The following CNTNAP5 variants were observed in gnomAD, a reference collection of about 807,000 sequenced individuals.
CNTNAP5 encodes the protein contactin-associated protein-like 5.
CNTNAP5 carries 72 observed loss-of-function variants against 150.2 expected under a neutral mutation model. The observed-to-expected ratio is 0.48, with a 90% CI of 0.40 to 0.58. The LOEUF (loss-of-function observed/expected upper bound fraction) is 0.58. Among genes scored for constraint, CNTNAP5 ranks in the 20% least tolerant of loss-of-function variants. The pLI is 0.00. For synonymous variants in CNTNAP5, 672 were observed against 619.8 expected, an observed-to-expected ratio of 1.08 and a Z score of -1.25; for missense variants, 1,636 against 1,626.2, an observed-to-expected ratio of 1.01 and a Z score of -0.10.
intron 3 of CNTNAP5, among the ~76,000 whole-genome samples, chr2:124,248,336 A>C (rs2104776313): frequency 6.6e-6 from 1 of 152,312 alleles, no homozygotes; most frequent in African/African-American, 2.4e-5. Flanking sequence ...TGCAATGTGA[A>C]ATACATGGAG....
chr2:124,643,207 C>A (rs1264830071), intron 12 of CNTNAP5, among the ~76,000 whole-genome samples: 1 of 152,196 alleles, frequency 6.6e-6, no homozygotes, highest in African/African-American at 2.4e-5. Flanking sequence ...CAAATGCAGT[C>A]CTCTCCTAAG....
At chr2:124,277,355 A>G (rs1452493453) in intron 3 of CNTNAP5, among the ~76,000 whole-genome samples, 3 of 152,226 alleles carry the variant, frequency 2.0e-5, no homozygotes, top group Non-Finnish European at 2.9e-5. Context: ...TGCACTTGTC[A>G]TGAGTAATCT....
At chr2:124,300,065 C>T (rs1688537875) in intron 3 of CNTNAP5, among the ~76,000 whole-genome samples, 1 of 152,196 alleles carries the variant, frequency 6.6e-6, no homozygotes, top group South Asian at 2.1e-4. Context: ...CACACTATTA[C>T]AAATCAGCTT....
At chr2:124,322,722 C>T (rs950406479) in intron 3 of CNTNAP5, among the ~76,000 whole-genome samples, 1 of 152,094 alleles carries the variant, frequency 6.6e-6, no homozygotes, top group African/African-American at 2.4e-5. Context: ...ACTCCTTGGG[C>T]AGTTAGAGTT....
Position 124,419,987 on chromosome 2 carries a change from T to TCTTC in CNTNAP5, c.529+2400_529+2401insCCTT, listed in dbSNP as rs1692055640. Among the ~76,000 whole-genome samples, 5 of 127,420 alleles carry TCTTC rather than the reference T, an allele frequency of 3.9e-5. 1 individual carries two copies. The highest frequency in any genetic ancestry group is 2.6e-4 in the South Asian group (1 of 3,916). 83.6% of individuals were successfully genotyped at this position (127,420 alleles called of 152,430 possible). ...CTCTCTCTCTCTTTCTTTCTTTCTTTCTTTTTTTTTTTTTTTTTTTTTGAG... is the reference window on the plus strand; with the variant it reads ...CTCTCTCTCTCTTTCTTTCTTTCTTTCTTCCTTTTTTTTTTTTTTTTTTTTTGAG... On this transcript the variant is annotated intron_variant, in intron 4 of 23. Coordinates refer to ENST00000682447, the MANE Select transcript of CNTNAP5 (RefSeq NM_001367498.1).
chr2:124,803,628 C>T (rs1428782406), intron 19 of CNTNAP5, among the ~76,000 whole-genome samples: 2 of 152,146 alleles, frequency 1.3e-5, no homozygotes, highest in African/African-American at 4.8e-5. Context: ...TCCTTTTTAT[C>T]AATCTTTTTT....
At chr2:124,067,307 G>T (rs1033652919) in intron 1 of CNTNAP5, among the ~76,000 whole-genome samples, 1 of 152,124 alleles carries the variant, frequency 6.6e-6, no homozygotes, top group Non-Finnish European at 1.5e-5. Flanking sequence ...TCAGAATCAG[G>T]GTGTTGGCAA....
intron 7 of CNTNAP5, among the ~76,000 whole-genome samples, chr2:124,493,965 T>TACACAC (rs58843895): frequency 5.3e-4 from 76 of 143,946 alleles, no homozygotes; most frequent in South Asian, 2.8e-3. Flanking sequence ...AAACCATAAA[T>TACACAC]ACACACACAC....
In CNTNAP5 at chr2:124,026,323, C is replaced by A. The variant is rs545715763; in HGVS notation, c.82+591C>A. Among the ~76,000 whole-genome samples the A allele has an allele frequency of 5.9e-5, 9 of 152,286 alleles. No individual in the cohort carries two copies. The East Asian group carries it at 1.7e-3, about 29-fold the overall frequency. Reference sequence around the variant, plus strand: ...TTGTTAACCACAAGATCAATGGCTGCCCCTATTACAGGAGGAAGAGCTTTG... The same window carrying A: ...TTGTTAACCACAAGATCAATGGCTGACCCTATTACAGGAGGAAGAGCTTTG... On this transcript the variant is annotated intron_variant, in intron 1 of 23. Coordinates refer to ENST00000682447, the MANE Select transcript of CNTNAP5 (RefSeq NM_001367498.1).
At chr2:124,434,918 C>T (rs913498274) in intron 5 of CNTNAP5, among the ~76,000 whole-genome samples, 1 of 152,146 alleles carries the variant, frequency 6.6e-6, no homozygotes, top group African/African-American at 2.4e-5. Context: ...GACCTAACTA[C>T]GTATTTATCC....
intron 1 of CNTNAP5, among the ~76,000 whole-genome samples, chr2:124,113,595 T>C (rs1251599278): frequency 6.6e-6 from 1 of 151,628 alleles, no homozygotes; most frequent in South Asian, 2.1e-4. Context: ...CTCTCTTGTG[T>C]TATAAATATG....
At chr2:124,380,128 TGAA>T (rs1340497097) in intron 3 of CNTNAP5, among the ~76,000 whole-genome samples, 7 of 152,288 alleles carry the variant, frequency 4.6e-5, no homozygotes, top group African/African-American at 7.2e-5. Context: ...TTGTAATAGT[TGAA>T]GACATTATTT....
intron 3 of CNTNAP5, among the ~76,000 whole-genome samples, chr2:124,404,861 G>C (rs1166603388): frequency 6.6e-6 from 1 of 152,104 alleles, no homozygotes; most frequent in Non-Finnish European, 1.5e-5. Context: ...TTTAACTCCA[G>C]GGAAGGAAAG....
chr2:124,331,288 T>C (rs1689343502), intron 3 of CNTNAP5, among the ~76,000 whole-genome samples: 1 of 152,106 alleles, frequency 6.6e-6, no homozygotes, highest in East Asian at 1.9e-4. Flanking sequence ...AGTTTGCTTA[T>C]ATTTGTAGCC....
At chr2:124,072,986 G>A (rs1682346379) in intron 1 of CNTNAP5, among the ~76,000 whole-genome samples, 2 of 151,916 alleles carry the variant, frequency 1.3e-5, no homozygotes, top group African/African-American at 4.8e-5. Flanking sequence ...ACCAAAACCA[G>A]CATGGTACTG....
At chr2:124,588,209 TTTCTTTCTTTCTTTCTTTCTTTCTTTC>T (rs1558966142) in intron 11 of CNTNAP5, among the ~76,000 whole-genome samples, 2 of 148,146 alleles carry the variant, frequency 1.4e-5, no homozygotes, top group Non-Finnish European at 3.0e-5. Flanking sequence ...TCTTTCTTTC[TTTCTTTCTTTCTTTCTTTCTTTCTTTC>T]TTCTTTCTTT....
At chr2:124,308,783 A>C (rs1688752246) in intron 3 of CNTNAP5, among the ~76,000 whole-genome samples, 1 of 152,244 alleles carries the variant, frequency 6.6e-6, no homozygotes, top group Admixed American at 6.5e-5. Flanking sequence ...TTACACTGAA[A>C]AATTATCTGG....
intron 12 of CNTNAP5, among the ~76,000 whole-genome samples, chr2:124,610,360 C>G (rs945445869): frequency 1.3e-5 from 2 of 152,148 alleles, no homozygotes; most frequent in East Asian, 3.9e-4. Flanking sequence ...TTTCTCTGAG[C>G]TTTATCAGTG....
At chr2:124,657,460 A>T (rs1678483520) in intron 13 of CNTNAP5, among the ~76,000 whole-genome samples, 1 of 151,298 alleles carries the variant, frequency 6.6e-6, no homozygotes, top group African/African-American at 2.4e-5. Context: ...CACATCAACC[A>T]CCTCCATTCA....
Sources: allele counts gnomAD v4.1 joint callset (sites outside exome capture counted in the v4.1 genomes callset), GRCh38; gene constraint gnomAD v4.1.1; transcripts MANE v1.5; gene names NCBI Gene and HGNC (gene_info 2026-07-23, HGNC 2026-07-21).